The following PHACTR1 variants were observed in gnomAD, a reference collection of about 807,000 sequenced individuals.
The protein encoded by PHACTR1 is RPEL repeat containing 1.
A neutral mutation model predicts 69.2 loss-of-function variants in PHACTR1; 16 were observed. The observed-to-expected ratio is 0.23, with a 90% confidence interval of 0.16 to 0.35. The LOEUF (loss-of-function observed/expected upper bound fraction) is 0.35. Ranked by LOEUF, PHACTR1 falls within the 10% of genes least tolerant of loss-of-function variation. PHACTR1 has a pLI of 1.00. For missense variants in PHACTR1, 510 were observed against 734.7 expected, an observed-to-expected ratio of 0.69 and a Z score of 3.54; for synonymous variants, 312 against 284.5, an observed-to-expected ratio of 1.10 and a Z score of -0.97.
At chr6:13,050,094 G>A (rs1805686746) in intron 4 of PHACTR1, among the ~76,000 whole-genome samples, 1 of 152,232 alleles carries the variant, frequency 6.6e-6, no homozygotes, top group African/African-American at 2.4e-5. Context: ...CCTCTTTGCT[G>A]TGGTTTCCCA....
At chr6:13,123,802 T>C (rs749746987) in intron 5 of PHACTR1, among the ~76,000 whole-genome samples, 145 of 152,304 alleles carry the variant, frequency 9.5e-4, no homozygotes, top group Non-Finnish European at 1.2e-3. Flanking sequence ...TTCCCTTGTG[T>C]TACCTGTGGC....
chr6:13,001,839 A>C (rs9473198), intron 4 of PHACTR1, among the ~76,000 whole-genome samples: 76,816 of 152,058 alleles, frequency 0.51, 22,172 homozygotes, highest in African/African-American at 0.8. Flanking sequence ...GAGGAATTTC[A>C]CTAATTTCTA....
At chr6:12,999,004 G>C (rs1172899043) in intron 4 of PHACTR1, among the ~76,000 whole-genome samples, 1 of 152,182 alleles carries the variant, frequency 6.6e-6, no homozygotes, top group Non-Finnish European at 1.5e-5. Context: ...CTGTTGATGA[G>C]AGGGTAATTG....
intron 7 of PHACTR1, among the ~76,000 whole-genome samples, chr6:13,187,935 T>A (rs546034851): frequency 6.6e-6 from 1 of 152,332 alleles, no homozygotes; most frequent in Admixed American, 6.5e-5. Context: ...TATCTAGTTA[T>A]CTCATTAATG....
chr6:13,074,690 A>G (rs1233278256), intron 5 of PHACTR1, among the ~76,000 whole-genome samples: 2 of 152,250 alleles, frequency 1.3e-5, no homozygotes, highest in East Asian at 3.8e-4. Flanking sequence ...TGTTTGTTAC[A>G]GAATGTTTAT....
At chr6:13,014,744 C>A (rs1441371794) in intron 4 of PHACTR1, among the ~76,000 whole-genome samples, 3 of 152,172 alleles carry the variant, frequency 2.0e-5, no homozygotes, top group Admixed American at 6.5e-5. Context: ...GGAGGGGGCG[C>A]GCAGCCGCAT....
intron 4 of PHACTR1, among the ~76,000 whole-genome samples, chr6:13,045,861 G>C (rs1804943955): frequency 6.6e-6 from 1 of 152,224 alleles, no homozygotes. Flanking sequence ...TTACCAGGCA[G>C]AACTCTGTAG....
At chr6:13,242,035 CAAAAAAAAAAAA>C (rs747990237) in intron 10 of PHACTR1, among the ~76,000 whole-genome samples, 7 of 58,614 alleles carry the variant, frequency 1.2e-4, no homozygotes, top group Non-Finnish European at 2.3e-4. Flanking sequence ...GATTCTGTCT[CAAAAAAAAAAAA>C]AAAAAAAAGG....
intron 4 of PHACTR1, among the ~76,000 whole-genome samples, chr6:12,818,339 G>T (rs1051974980): frequency 1.3e-5 from 2 of 152,218 alleles, no homozygotes; most frequent in African/African-American, 4.8e-5. Flanking sequence ...CAGCTGAGAT[G>T]TCTGGGCTAG....
intron 5 of PHACTR1, among the ~76,000 whole-genome samples, chr6:13,086,783 G>C (rs999108533): frequency 5.9e-5 from 9 of 152,034 alleles, no homozygotes; most frequent in Non-Finnish European, 1.2e-4. Context: ...TTTCACCTAG[G>C]TAAATAACTA....
intron 4 of PHACTR1, among the ~76,000 whole-genome samples, chr6:12,875,267 G>A (rs1582224487): frequency 6.6e-6 from 1 of 152,166 alleles, no homozygotes; most frequent in Non-Finnish European, 1.5e-5. Flanking sequence ...ATTACTCATC[G>A]TGACTCCACA....
chr6:12,808,261 G>A (rs544189235), intron 4 of PHACTR1, among the ~76,000 whole-genome samples: 2 of 152,062 alleles, frequency 1.3e-5, no homozygotes, highest in Admixed American at 6.5e-5. Flanking sequence ...CAGTCTTTGG[G>A]CACTATTTTT....
At chr6:13,047,244 A>T (rs1419342570) in intron 4 of PHACTR1, among the ~76,000 whole-genome samples, 1 of 151,916 alleles carries the variant, frequency 6.6e-6, no homozygotes, top group East Asian at 1.9e-4. Flanking sequence ...CGAGTGTGGT[A>T]GTGCACGCCT....
At chr6:12,958,120 GT>G in intron 4 of PHACTR1, 2 of 826,240 alleles carry the variant, frequency 2.4e-6, no homozygotes, top group Non-Finnish European at 2.9e-6. Flanking sequence ...GCTTTGTTCG[GT>G]TTAGAGAATT....
chr6:12,718,830 A>G lies in PHACTR1; in HGVS notation c.86A>G (p.Tyr29Cys). The stretch of plus-strand genomic sequence containing the variant: ...GTTGAGTCAGCTCAAAGATTCTTCT[A>G]CAGTCAAGGAGCTCAAGGTAATAAA... ...LDVESAQRFFYSQGAQARRAT... is the reference protein window; with the variant it reads ...LDVESAQRFFCSQGAQARRAT... The change falls in exon 3 of 15, where the codon TAC becomes TGC. Residue 29 changes from tyrosine to cysteine, a missense_variant. By Grantham distance (194) the Tyr-to-Cys change is radical. Around this residue, in one of 2 missense-constraint regions of PHACTR1, gnomAD observed 419 missense variants for 530.9 expected, o/e 0.79. Transcript: ENST00000332995. 2 of 1,566,036 alleles carry G rather than the reference A, an allele frequency of 1.3e-6. No individual in the cohort carries two copies. The highest frequency in any genetic ancestry group is 1.7e-6 in the Non-Finnish European group (2 of 1,152,276).
intron 4 of PHACTR1, among the ~76,000 whole-genome samples, chr6:12,759,705 A>G (rs530857784): frequency 6.6e-6 from 1 of 152,348 alleles, no homozygotes; most frequent in Non-Finnish European, 1.5e-5. Flanking sequence ...CCACACAGTC[A>G]TAAAATATAG....
intron 5 of PHACTR1, among the ~76,000 whole-genome samples, chr6:13,143,449 A>G (rs991262927): frequency 6.6e-5 from 10 of 152,338 alleles, no homozygotes; most frequent in Non-Finnish European, 1.3e-4. Context: ...AAAAAGATAT[A>G]TAAATCGTTT....
intron 4 of PHACTR1, among the ~76,000 whole-genome samples, chr6:12,815,311 C>T (rs970975079): frequency 6.6e-6 from 1 of 152,162 alleles, no homozygotes; most frequent in Admixed American, 6.5e-5. Flanking sequence ...AACTGCCCCT[C>T]CCCAGTATCA....
intron 7 of PHACTR1, among the ~76,000 whole-genome samples, chr6:13,187,950 C>A (rs1763027825): frequency 6.6e-6 from 1 of 152,192 alleles, no homozygotes; most frequent in Non-Finnish European, 1.5e-5. Context: ...TTAATGGAGA[C>A]AAACTTAAGT....
Sources: gnomAD v4.1 joint callset for allele counts (sites outside exome capture counted in the v4.1 genomes callset) on GRCh38, gnomAD v4.1.1 for gene constraint, gnomAD v4.1.1 regional missense constraint, MANE v1.5 for transcripts, NCBI Gene and HGNC (gene_info 2026-07-23, HGNC 2026-07-21) for gene names.